CHURC1: variants seen among roughly 807,000 people sequenced by gnomAD.
The protein encoded by CHURC1 is churchill domain containing 1.
Under a neutral mutation model 15.4 loss-of-function variants are expected in CHURC1, and 12 were observed. That is an observed-to-expected ratio of 0.78 (90% CI 0.50 to 1.27). CHURC1 has a LOEUF of 1.27. Among genes scored for constraint, CHURC1 ranks in the 50% most tolerant of loss-of-function variants. CHURC1 has a pLI of 0.00. For synonymous variants in CHURC1, 42 were observed against 47.5 expected (o/e 0.88, Z 0.48); for missense variants, 132 against 137.8 (o/e 0.96, Z 0.21).
chr14:64,928,350 C>T lies in CHURC1; in HGVS notation c.246+2270C>T, dbSNP rs553416788. Among the ~76,000 whole-genome samples the T allele has an allele frequency of 7.2e-5, 11 of 152,242 alleles. No homozygotes were observed. In the South Asian group the frequency reaches 1.2e-3, roughly 17 times the overall value. On this transcript the variant is annotated intron_variant, in intron 3 of 3. Coordinates refer to ENST00000549115, the MANE Select transcript of CHURC1 (RefSeq NM_001386928.1). ...GCAGCCTTGACCTCCCGTGCTCAGG[C>T]GATCCTTCTGCCTCAACCCCTCGAG...
At chr14:64,928,639 A>G (rs562710495) in intron 3 of CHURC1, among the ~76,000 whole-genome samples, 33 of 152,156 alleles carry the variant, frequency 2.2e-4, no homozygotes, top group African/African-American at 7.5e-4. Context: ...TGCTAAAACT[A>G]TTCTCTCATA....
Position 64,932,418 on chromosome 14 carries a change from A to G in CHURC1, c.*188A>G, listed in dbSNP as rs946048608. ...TTCTCTAGAGCTGAGCTCTTCTGCTAAAGTTCAAAGTTCACATCAGTGTAG... is the reference window on the plus strand; with the variant it reads ...TTCTCTAGAGCTGAGCTCTTCTGCTGAAGTTCAAAGTTCACATCAGTGTAG... On this transcript the variant is annotated 3_prime_UTR_variant, in exon 4 of 4. Coordinates refer to ENST00000549115, the MANE Select transcript of CHURC1 (RefSeq NM_001386928.1). 1.6e-5 allele frequency: 21 copies of G among 1,329,430 alleles called. No homozygotes were observed. The highest frequency in any genetic ancestry group is 1.9e-5 in the Non-Finnish European group (20 of 1,037,962). 82.4% of individuals were successfully genotyped at this position (1,329,430 alleles called of 1,614,324 possible). A position where few individuals can be genotyped will look rare whatever the true frequency, so the allele number is the denominator to read the frequency against.
intron 1 of CHURC1, among the ~76,000 whole-genome samples, chr14:64,917,023 TA>T (rs2139876204): frequency 6.6e-6 from 1 of 152,342 alleles, no homozygotes; most frequent in African/African-American, 2.4e-5. Flanking sequence ...AAATGAATCT[TA>T]TGGCTGAATG....
chr14:64,914,758 C>T (rs866440866), intron 1 of CHURC1, among the ~76,000 whole-genome samples: 18 of 152,224 alleles, frequency 1.2e-4, no homozygotes, highest in African/African-American at 4.1e-4. Context: ...TTCTCTTGAG[C>T]TCCAAGGAGC....
chr14:64,929,469 T>G (rs1273916050), intron 3 of CHURC1, among the ~76,000 whole-genome samples: 1 of 152,134 alleles, frequency 6.6e-6, no homozygotes, highest in African/African-American at 2.4e-5. Flanking sequence ...GAACCCTCCA[T>G]TCTCAGCTGC....
intron 1 of CHURC1, 55 bp downstream of exon 1, chr14:64,914,589 C>G: frequency 1.2e-6 from 2 of 1,609,430 alleles, no homozygotes; most frequent in East Asian, 4.5e-5. Context: ...TGTCTCATAT[C>G]CAAGGCTGGC....
Position 64,935,334 on chromosome 14 carries a change from T to C in CHURC1, c.*3104T>C. 2 of 863,264 alleles carry C rather than the reference T, an allele frequency of 2.3e-6. No homozygotes were observed. Among genetic ancestry groups the C allele is most frequent in the Non-Finnish European group, 2.8e-6 (2 of 719,682 alleles). The allele number at this position is 863,264 out of a possible 1,614,324, so 53.5% of individuals were successfully genotyped here. A position where few individuals can be genotyped will look rare whatever the true frequency, so the allele number is the denominator to read the frequency against. On this transcript the variant is annotated 3_prime_UTR_variant, in exon 4 of 4. Coordinates refer to ENST00000549115, the MANE Select transcript of CHURC1 (RefSeq NM_001386928.1). ...ATGTACCCTAAAACTTAAAGTATAA[T>C]AATAATAAAATAAAAAAAAAGGAAT...
At chr14:64,916,829 C>T (rs549207826) in intron 1 of CHURC1, among the ~76,000 whole-genome samples, 6 of 152,072 alleles carry the variant, frequency 3.9e-5, no homozygotes, top group Admixed American at 2.6e-4. Context: ...CCACCTGCCT[C>T]GGCCTCCCAA....
At chr14:64,922,020 A>G (rs1333027661) in intron 1 of CHURC1, among the ~76,000 whole-genome samples, 2 of 152,236 alleles carry the variant, frequency 1.3e-5, no homozygotes, top group African/African-American at 2.4e-5. Flanking sequence ...ATGCGGGAGT[A>G]TACTGATTCT....
At chr14:64,925,625 A>C (rs1232250002) in intron 2 of CHURC1, among the ~76,000 whole-genome samples, 1 of 133,670 alleles carries the variant, frequency 7.5e-6, no homozygotes, top group East Asian at 2.6e-4. Context: ...TGAGACTGGG[A>C]GGTTGAAGCT....
intron 2 of CHURC1, among the ~76,000 whole-genome samples, chr14:64,925,795 A>G (rs1382367445): frequency 6.6e-6 from 1 of 150,606 alleles, no homozygotes; most frequent in Admixed American, 6.6e-5. Flanking sequence ...GGTGGCAATT[A>G]ATAAAAGCTC....
At position 64,934,504 on chromosome 14, in the gene CHURC1, G is replaced by A. The variant is rs1885236777; in HGVS notation, c.*2274G>A. Reference sequence around the variant, plus strand: ...TTAGGAAGAGGTTAAGAATATCAGTGACAGTACTCTGAGGCATCTGGGCAT... The same window carrying A: ...TTAGGAAGAGGTTAAGAATATCAGTAACAGTACTCTGAGGCATCTGGGCAT... On this transcript the variant is annotated 3_prime_UTR_variant, in exon 4 of 4. Coordinates refer to ENST00000549115, the MANE Select transcript of CHURC1 (RefSeq NM_001386928.1). 2 of 985,266 alleles carry A rather than the reference G, an allele frequency of 2.0e-6. No homozygotes were observed. The highest frequency in any genetic ancestry group is 9.4e-5 in the South Asian group (2 of 21,290). The allele number at this position is 985,266 out of a possible 1,614,324, so 61.0% of individuals were successfully genotyped here.
In CHURC1 at chr14:64,932,140, G is replaced by T. The variant is rs1285512511; in HGVS notation, c.249G>T (p.Glu83Asp). Residue 83 changes from glutamate (E) to aspartate (D), a missense_variant and splice_region_variant, in exon 4 of 4, where the codon GAG (glutamate) becomes GAT (aspartate). Coordinates refer to ENST00000549115, the MANE Select transcript of CHURC1 (RefSeq NM_001386928.1). ...TTATGCACTTTATCTTGTTCTAGGA[G>T]TATACCATGCTGTGTCTGTTATGCG... is the stretch of plus-strand genomic sequence containing the variant. The part of the protein sequence containing the change: ...YTFSIMDEFQ[E>D]YTMLCLLCGK... The T allele has an allele frequency of 6.2e-7, 1 of 1,613,252 alleles. No individual in the cohort carries two copies. Among genetic ancestry groups the T allele is most frequent in the Admixed American group, 1.7e-5 (1 of 59,940 alleles).
At chr14:64,918,535 A>G (rs1027911875) in intron 1 of CHURC1, among the ~76,000 whole-genome samples, 1 of 152,204 alleles carries the variant, frequency 6.6e-6, no homozygotes, top group Non-Finnish European at 1.5e-5. Context: ...AAGGGTAATA[A>G]GAAGATGGTG....
rs535673805 is a variant in CHURC1 at position 64,924,232 on chromosome 14, G to A, written c.175+106G>A. On this transcript the variant is annotated intron_variant, in intron 2 of 3. Coordinates refer to ENST00000549115, the MANE Select transcript of CHURC1 (RefSeq NM_001386928.1). ...GAGGCCTATTTCAATATTGTATTGCGCACATAATTACTAGTTAGGTCTTTA... is the reference window on the plus strand; with the variant it reads ...GAGGCCTATTTCAATATTGTATTGCACACATAATTACTAGTTAGGTCTTTA... 2.4e-4 allele frequency: 312 copies of A among 1,301,422 alleles called. 3 individuals carry two copies. The South Asian group carries it at 5.4e-3, about 22-fold the overall frequency. 80.6% of individuals were successfully genotyped at this position (1,301,422 alleles called of 1,614,324 possible).
intron 1 of CHURC1, among the ~76,000 whole-genome samples, chr14:64,920,043 A>G (rs1017108895): frequency 6.6e-6 from 1 of 152,062 alleles, no homozygotes; most frequent in African/African-American, 2.4e-5. Flanking sequence ...GAAAAACCGT[A>G]TTTTCCATTT....
chr14:64,927,708 C>T (rs1421106589), intron 3 of CHURC1, among the ~76,000 whole-genome samples: 1 of 72,624 alleles, frequency 1.4e-5, no homozygotes, highest in African/African-American at 8.1e-5. Flanking sequence ...CAGTCTACTT[C>T]TCCCCCCACC....
intron 1 of CHURC1, 30 bp from the exon 2 acceptor site, chr14:64,923,961 G>T: frequency 6.1e-6 from 9 of 1,486,560 alleles, no homozygotes; most frequent in Non-Finnish European, 7.2e-6. Context: ...GAAATGTAAA[G>T]AAATTAAATT....
chr14:64,933,538 T>C lies in CHURC1; in HGVS notation c.*1308T>C, dbSNP rs760234035. 3.1e-6 allele frequency: 3 copies of C among 979,046 alleles called. No homozygotes were observed. The highest frequency in any genetic ancestry group is 3.6e-6 in the Non-Finnish European group (3 of 824,206). The allele number at this position is 979,046 out of a possible 1,614,324, so 60.6% of individuals were successfully genotyped here. A position where few individuals can be genotyped will look rare whatever the true frequency, so the allele number is the denominator to read the frequency against. On this transcript the variant is annotated 3_prime_UTR_variant, in exon 4 of 4. Transcript: ENST00000549115. The stretch of plus-strand genomic sequence containing the variant: ...ACTTTATTGTCCTGTTTCTATCAAA[T>C]TGGACTAACAAAAATTGATATAATA...
Sources: allele counts gnomAD v4.1 joint callset (sites outside exome capture counted in the v4.1 genomes callset), GRCh38; gene constraint gnomAD v4.1.1; transcripts MANE v1.5; gene names NCBI Gene and HGNC (gene_info 2026-07-23, HGNC 2026-07-21).